Variants in ITPRIP observed in about 807,000 individuals in gnomAD.
ITPRIP encodes inositol 1,4,5-trisphosphate receptor-interacting protein.
Under a neutral mutation model 35.8 loss-of-function variants are expected in ITPRIP, and 32 were observed. That is an observed-to-expected ratio of 0.89 (90% CI 0.68 to 1.20). The LOEUF is 1.20. Among genes scored for constraint, ITPRIP ranks in the 50% most tolerant of loss-of-function variants. The pLI is 0.00. For missense variants in ITPRIP, 653 were observed against 735.6 expected, an observed-to-expected ratio of 0.89 and a Z score of 1.30; for synonymous variants, 358 against 324.0, an observed-to-expected ratio of 1.11 and a Z score of -1.13.
In ITPRIP at chr10:104,309,904, CTG is replaced by C. The variant is rs1291219421; in HGVS notation, c.*4502_*4503del. The C allele has an allele frequency of 6.6e-6, 1 of 152,110 alleles. No individual in the cohort carries two copies. The highest frequency in any genetic ancestry group is 2.4e-5 in the African/African-American group (1 of 41,422). 9.4% of individuals were successfully genotyped at this position (152,110 alleles called of 1,614,324 possible). ...TAGTACTTGAATTTTAAAATTATGA[CTG>C]TATTATTGCTTTTATGTTTATTTTT... On this transcript the variant is annotated 3_prime_UTR_variant, in exon 2 of 2. Coordinates refer to ENST00000337478, the MANE Select transcript of ITPRIP (RefSeq NM_001272013.2).
At position 104,314,590 on chromosome 10, in the gene ITPRIP, T is replaced by C. The variant is rs1324042983; in HGVS notation, c.1462A>G (p.Met488Val). Residue 488 changes from methionine to valine, a missense_variant, in exon 2 of 2, where the codon ATG (methionine) becomes GTG (valine). Transcript: ENST00000337478. The part of the protein sequence containing the change: ...FIGNRKVPEA[M>V]GLPEAVLRAE... ...CTGAGCACGGCCTCAGGGAGTCCCATGGCCTCAGGCACCTTGCGGTTGCCG... is the reference window on the plus strand; with the variant it reads ...CTGAGCACGGCCTCAGGGAGTCCCACGGCCTCAGGCACCTTGCGGTTGCCG... 1.2e-6 allele frequency: 2 copies of C among 1,614,054 alleles called. No individual in the cohort carries two copies. Among genetic ancestry groups the C allele is most frequent in the Admixed American group, 1.7e-5 (1 of 60,012 alleles).
rs1273372490 is a variant in ITPRIP, at chr10:104,314,444, T to C, written c.1608A>G (p.Leu536=). Residue 536 remains leucine, a synonymous_variant, in exon 2 of 2, where the codon CTA becomes CTG. Transcript: ENST00000337478. The part of the protein sequence containing the change: ...NAPALISEYS[L]HVPSDQPTPK... ...GGGTAGGCTGGTCTGAGGGGACATGTAGGGAATACTCGCTAATGAGCGCTG... is the reference window on the plus strand; with the variant it reads ...GGGTAGGCTGGTCTGAGGGGACATGCAGGGAATACTCGCTAATGAGCGCTG... 12 of 1,613,736 alleles carry C rather than the reference T, an allele frequency of 7.4e-6. No homozygotes were observed. The highest frequency in any genetic ancestry group is 1.3e-5 in the African/African-American group (1 of 75,058).
chr10:104,336,312 T>C (rs1156232737), intron 1 of ITPRIP, among the ~76,000 whole-genome samples: 1 of 151,974 alleles, frequency 6.6e-6, no homozygotes, highest in East Asian at 1.9e-4. Context: ...TCATCCATAA[T>C]AAAGTCCTGC....
In ITPRIP at chr10:104,315,208, C is replaced by T. The variant is rs753388138; in HGVS notation, c.844G>A (p.Asp282Asn). The T allele has an allele frequency of 3.4e-5, 55 of 1,613,938 alleles. No individual in the cohort carries two copies. Among genetic ancestry groups the T allele is most frequent in the Non-Finnish European group, 4.2e-5 (50 of 1,179,964 alleles). Residue 282 changes from aspartate (D) to asparagine (N), a missense_variant, in exon 2 of 2, where the codon GAC (aspartate) becomes AAC (asparagine). Coordinates refer to ENST00000337478, the MANE Select transcript of ITPRIP (RefSeq NM_001272013.2). This position sits in a 1 kb window ranked among gnomAD's most constrained non-coding sequence, Gnocchi z 5.7. The stretch of plus-strand genomic sequence containing the variant: ...GTGGCACACAGCAGGTTCTCCATGT[C>T]GCCGCAGGGAGGCGCCATGCTGTTC... ...GRNSMAPPCGDMENLLCATDS... is the reference protein window; with the variant it reads ...GRNSMAPPCGNMENLLCATDS...
chr10:104,318,291 G>A (rs2013742116), intron 1 of ITPRIP, among the ~76,000 whole-genome samples: 3 of 152,206 alleles, frequency 2.0e-5, no homozygotes, highest in African/African-American at 7.2e-5. Flanking sequence ...TAACATGGGT[G>A]AGAAAGTTAA....
chr10:104,333,631 C>T lies in ITPRIP; in HGVS notation c.-14+4615G>A, dbSNP rs1347563484. The T allele has an allele frequency of 2.6e-5, 4 of 152,378 alleles. No individual in the cohort carries two copies. The highest frequency in any genetic ancestry group is 9.7e-5 in the African/African-American group (4 of 41,444). 9.4% of individuals were successfully genotyped at this position (152,378 alleles called of 1,614,324 possible). A position where few individuals can be genotyped will look rare whatever the true frequency, so the allele number is the denominator to read the frequency against. ...TCGCCCAGAAGAGCTCCTTACCCTT[C>T]CTTCCTCTCTGGATGCCTGTTAGAG... On this transcript the variant is annotated intron_variant, in intron 1 of 1. Coordinates refer to ENST00000337478, the MANE Select transcript of ITPRIP (RefSeq NM_001272013.2). The surrounding 1 kb of genome is among the most constrained non-coding windows in gnomAD (Gnocchi z 4.1).
At chr10:104,330,615 ATTC>A (rs1308397892) in intron 1 of ITPRIP, among the ~76,000 whole-genome samples, 3 of 152,226 alleles carry the variant, frequency 2.0e-5, no homozygotes, top group South Asian at 2.1e-4. Flanking sequence ...CAGAGAAGTA[ATTC>A]TTCTTTCAGG....
chr10:104,322,318 T>C (rs2013871436), intron 1 of ITPRIP, among the ~76,000 whole-genome samples: 1 of 152,168 alleles, frequency 6.6e-6, no homozygotes, highest in South Asian at 2.1e-4. Flanking sequence ...GCCCATCTAC[T>C]CCCACTGAGG....
chr10:104,315,971 G>A lies in ITPRIP; in HGVS notation c.81C>T (p.Asn27=), dbSNP rs763408470. Residue 27 remains asparagine (N), a synonymous_variant, in exon 2 of 2, where the codon AAC becomes AAT. Coordinates refer to ENST00000337478, the MANE Select transcript of ITPRIP (RefSeq NM_001272013.2). The surrounding 1 kb of genome is among the most constrained non-coding windows in gnomAD (Gnocchi z 5.7). ...CCTCCTCGTTCTCGGGGACTGTGGC[G>A]TTCTCCCGCGGGAACAGCAGCGGGT... ...INHPLLFPRE[N]ATVPENEEEI... 2 of 1,613,192 alleles carry A rather than the reference G, an allele frequency of 1.2e-6. No individual in the cohort carries two copies. Among genetic ancestry groups the A allele is most frequent in the South Asian group, 1.1e-5 (1 of 91,062 alleles).
In ITPRIP at chr10:104,316,030, C is replaced by T. The variant is rs769955500; in HGVS notation, c.22G>A (p.Val8Met). Residue 8 changes from valine (V) to methionine (M), a missense_variant, in exon 2 of 2, where the codon GTG becomes ATG. Coordinates refer to ENST00000337478, the MANE Select transcript of ITPRIP (RefSeq NM_001272013.2). The stretch of plus-strand genomic sequence containing the variant: ...ATGGCCGTCACCACCACCAGACACA[C>T]GCGGAAGAGCCCCATGGCCATGGTT... MAMGLFR[V>M]CLVVVTAIIN... 26 of 1,591,496 alleles carry T rather than the reference C, an allele frequency of 1.6e-5. 1 individual carries two copies. Among genetic ancestry groups the T allele is most frequent in the South Asian group, 4.5e-5 (4 of 88,188 alleles).
At position 104,328,316 on chromosome 10, in the gene ITPRIP, C is replaced by T. The variant is rs1203736449; in HGVS notation, c.-14+9930G>A. On this transcript the variant is annotated intron_variant, in intron 1 of 1. Coordinates refer to ENST00000337478, the MANE Select transcript of ITPRIP (RefSeq NM_001272013.2). This position sits in a 1 kb window ranked among gnomAD's most constrained non-coding sequence, Gnocchi z 4.1. ...CCTAGCCCTGTGGCCGCATCTCACCCACAAGGGTGCTGGTTTGGAGAGAGC... is the reference window on the plus strand; with the variant it reads ...CCTAGCCCTGTGGCCGCATCTCACCTACAAGGGTGCTGGTTTGGAGAGAGC... The T allele has an allele frequency of 1.0e-6, 1 of 984,848 alleles. No homozygotes were observed. Among genetic ancestry groups the T allele is most frequent in the Non-Finnish European group, 1.2e-6 (1 of 829,544 alleles). The allele number at this position is 984,848 out of a possible 1,614,324, so 61.0% of individuals were successfully genotyped here. A position where few individuals can be genotyped will look rare whatever the true frequency, so the allele number is the denominator to read the frequency against.
chr10:104,334,780 T>C (rs1270575270), intron 1 of ITPRIP, among the ~76,000 whole-genome samples: 1 of 152,254 alleles, frequency 6.6e-6, no homozygotes, highest in Non-Finnish European at 1.5e-5. Flanking sequence ...CACCCCATGC[T>C]GCTCCTGCCT....
At chr10:104,322,930 C>CTTCTG (rs1021984715) in intron 1 of ITPRIP, among the ~76,000 whole-genome samples, 8 of 152,210 alleles carry the variant, frequency 5.3e-5, no homozygotes, top group Non-Finnish European at 1.2e-4. Context: ...GGCTGAACTC[C>CTTCTG]TTCTGTATCC....
In ITPRIP at chr10:104,314,009, T is replaced by G; in HGVS notation, c.*399A>C. 1 of 1,006,920 alleles carries G rather than the reference T, an allele frequency of 9.9e-7. No homozygotes were observed. The highest frequency in any genetic ancestry group is 1.2e-6 in the Non-Finnish European group (1 of 842,678). The allele number at this position is 1,006,920 out of a possible 1,614,324, so 62.4% of individuals were successfully genotyped here. A position where few individuals can be genotyped will look rare whatever the true frequency, so the allele number is the denominator to read the frequency against. ...GTCTTAACACGGTTCCCTGTCAGCA[T>G]TCTTGTAGATCCTCTGCTCATATTC... On this transcript the variant is annotated 3_prime_UTR_variant, in exon 2 of 2. Transcript: ENST00000337478.
rs1158822286 is a variant in ITPRIP, at chr10:104,314,699, C to G, written c.1353G>C (p.Ala451=). The change falls in exon 2 of 2, where the codon GCG becomes GCC. Residue 451 remains alanine, a synonymous_variant. Transcript: ENST00000337478. Reference sequence around the variant, plus strand: ...CGTGCAGACGAGCGTCCAGCTGCCCCGCCTTCCAGTCGGCGGCCTGCCGGA... The same window carrying G: ...CGTGCAGACGAGCGTCCAGCTGCCCGGCCTTCCAGTCGGCGGCCTGCCGGA... The part of the protein sequence containing the change: ...LLLRQAADWK[A]GQLDARLHEL... 1 of 1,613,798 alleles carries G rather than the reference C, an allele frequency of 6.2e-7. No individual in the cohort carries two copies. Among genetic ancestry groups the G allele is most frequent in the Non-Finnish European group, 8.5e-7 (1 of 1,179,860 alleles).
At position 104,310,541 on chromosome 10, in the gene ITPRIP, C is replaced by T. The variant is rs2135168563; in HGVS notation, c.*3867G>A. The T allele has an allele frequency of 6.6e-6, 1 of 152,300 alleles. No individual in the cohort carries two copies. Among genetic ancestry groups the T allele is most frequent in the South Asian group, 2.1e-4 (1 of 4,828 alleles). 9.4% of individuals were successfully genotyped at this position (152,300 alleles called of 1,614,324 possible). ...TGCCTGGGTTGGAATCTGGGCTGTG[C>T]TACTTACCACTGTGACAGTAGGTAA... On this transcript the variant is annotated 3_prime_UTR_variant, in exon 2 of 2. Transcript: ENST00000337478.
intron 1 of ITPRIP, among the ~76,000 whole-genome samples, chr10:104,336,199 G>A (rs2014230347): frequency 6.6e-6 from 1 of 152,200 alleles, no homozygotes; most frequent in Non-Finnish European, 1.5e-5. Flanking sequence ...GAATAGGCTA[G>A]CAGCAGCCCT....
At position 104,310,180 on chromosome 10, in the gene ITPRIP, T is replaced by C. The variant is rs1465724130; in HGVS notation, c.*4228A>G. 6.6e-6 allele frequency: 1 copy of C among 152,056 alleles called. No individual in the cohort carries two copies. The highest frequency in any genetic ancestry group is 1.5e-5 in the Non-Finnish European group (1 of 68,032). 9.4% of individuals were successfully genotyped at this position (152,056 alleles called of 1,614,324 possible). A position where few individuals can be genotyped will look rare whatever the true frequency, so the allele number is the denominator to read the frequency against. ...GTGGAGATGAGACGGACCACGAAAA[T>C]GTTCTGAATCACAGCCTTGGGGTGG... On this transcript the variant is annotated 3_prime_UTR_variant, in exon 2 of 2. Transcript: ENST00000337478.
intron 1 of ITPRIP, among the ~76,000 whole-genome samples, chr10:104,324,689 G>A (rs1178707758): frequency 6.6e-6 from 1 of 152,148 alleles, no homozygotes; most frequent in Non-Finnish European, 1.5e-5. Context: ...AAGTGTCTGG[G>A]AGGGCCAGCC....
Sources: gnomAD v4.1 joint callset for allele counts (sites outside exome capture counted in the v4.1 genomes callset) on GRCh38, gnomAD v4.1.1 for gene constraint, Gnocchi (gnomAD v3.1) non-coding constraint, MANE v1.5 for transcripts, NCBI Gene and HGNC (gene_info 2026-07-23, HGNC 2026-07-21) for gene names.